The following CHD7 variants were observed in gnomAD, a reference collection of about 807,000 sequenced individuals.
CHD7 encodes ATP-dependent chromatin remodeler CHD7.
In CHD7, 24 loss-of-function variants were observed where a neutral mutation model predicts 307.3. The ratio of observed to expected loss-of-function variants is 0.08; its 90% CI spans 0.06 to 0.11. CHD7 has a LOEUF of 0.11. Among genes scored for constraint, CHD7 ranks in the 10% least tolerant of loss-of-function variants. The pLI is 1.00. For missense variants in CHD7, 3,106 were observed against 3,727.1 expected (o/e 0.83, Z 4.34); for synonymous variants, 1,363 against 1,349.9 (o/e 1.01, Z -0.21).
intron 6 of CHD7, among the ~76,000 whole-genome samples, chr8:60,806,747 A>G (rs1284841722): frequency 1.3e-5 from 2 of 152,180 alleles, no homozygotes; most frequent in Non-Finnish European, 2.9e-5. Flanking sequence ...TCATGCCTGT[A>G]ATCCCATCAC....
intron 5 of CHD7, 114 bp from the exon 6 acceptor site, chr8:60,801,414 T>C: frequency 1.4e-6 from 1 of 733,800 alleles, no homozygotes; most frequent in Non-Finnish European, 2.3e-6. Flanking sequence ...GATAACTTTG[T>C]ACCCAGTGAC....
At chr8:60,820,740 G>A (rs1406150558) in intron 9 of CHD7, among the ~76,000 whole-genome samples, 4 of 152,144 alleles carry the variant, frequency 2.6e-5, no homozygotes, top group African/African-American at 9.6e-5. Flanking sequence ...TACAGTGTTT[G>A]GATCTTGCTT....
At position 60,717,690 on chromosome 8, in the gene CHD7, A is replaced by C. The variant is rs146052209; in HGVS notation, c.-174-23569A>C. ...TGGTCAGCGATGGGCCACATATACA[A>C]CAGTGGTCTCATGAGATTATAATGG... On this transcript the variant is annotated intron_variant, in intron 1 of 37. Coordinates refer to ENST00000423902, the MANE Select transcript of CHD7 (RefSeq NM_017780.4). Among the ~76,000 whole-genome samples, 696 of 152,204 alleles carry C rather than the reference A, an allele frequency of 4.6e-3. 5 individuals are homozygous for C. Among genetic ancestry groups the C allele is most frequent in the African/African-American group, 0.016 (653 of 41,518 alleles).
At chr8:60,679,866 G>A (rs3735828) in intron 1 of CHD7, 77,694 of 151,112 alleles carry the variant, frequency 0.51, 24,157 homozygotes, top group East Asian at 0.75. Flanking sequence ...CGCGGGAGGC[G>A]TCCCGAGCTC....
intron 34 of CHD7, among the ~76,000 whole-genome samples, chr8:60,857,267 C>A (rs1280329881): frequency 6.6e-6 from 1 of 152,082 alleles, no homozygotes; most frequent in Non-Finnish European, 1.5e-5. Context: ...TCATTTTGGA[C>A]CTAAGATTTG....
At chr8:60,863,981 C>G (rs1278469784) in intron 37 of CHD7, 1 of 151,754 alleles carries the variant, frequency 6.6e-6, no homozygotes, top group Non-Finnish European at 1.5e-5. Context: ...ATCTGCCTGC[C>G]CTGACCTCCC....
At chr8:60,727,654 C>G (rs1356387592) in intron 1 of CHD7, among the ~76,000 whole-genome samples, 2 of 152,158 alleles carry the variant, frequency 1.3e-5, no homozygotes, top group Non-Finnish European at 2.9e-5. Context: ...TCTGTCCTTG[C>G]TCTTTTCTCT....
chr8:60,731,293 C>A (rs1230339186), intron 1 of CHD7, among the ~76,000 whole-genome samples: 6 of 152,174 alleles, frequency 3.9e-5, no homozygotes, highest in African/African-American at 1.2e-4. Context: ...AAGAATGAAT[C>A]TTCTATCAGT....
intron 2 of CHD7, among the ~76,000 whole-genome samples, chr8:60,776,513 T>TCC (rs895248420): frequency 4.5e-4 from 69 of 152,236 alleles, no homozygotes; most frequent in African/African-American, 1.6e-3. Flanking sequence ...TTCCTCTGCC[T>TCC]CCCCCTCTCT....
At chr8:60,848,448 CA>C in intron 23 of CHD7, 66 bp from the exon 24 acceptor site, 1 of 1,134,396 alleles carries the variant, frequency 8.8e-7, no homozygotes. Context: ...CAGCAGCTGC[CA>C]AAAGCCACTG....
chr8:60,782,863 ATAAG>A (rs770384272), intron 3 of CHD7, among the ~76,000 whole-genome samples: 5 of 152,270 alleles, frequency 3.3e-5, no homozygotes, highest in African/African-American at 9.6e-5. Context: ...AGTTTAAAAA[ATAAG>A]TAATTACCTA....
At chr8:60,721,016 C>T (rs1326169175) in intron 1 of CHD7, among the ~76,000 whole-genome samples, 1 of 152,178 alleles carries the variant, frequency 6.6e-6, no homozygotes, top group East Asian at 1.9e-4. Context: ...GGACACTTTT[C>T]TCTTTGTCAT....
At chr8:60,700,791 G>T (rs1198048327) in intron 1 of CHD7, among the ~76,000 whole-genome samples, 1 of 152,218 alleles carries the variant, frequency 6.6e-6, no homozygotes, top group African/African-American at 2.4e-5. Flanking sequence ...TTTTGGGAAA[G>T]CGACTTAAGT....
At chr8:60,776,349 A>G (rs1810951212) in intron 2 of CHD7, among the ~76,000 whole-genome samples, 1 of 152,196 alleles carries the variant, frequency 6.6e-6, no homozygotes, top group African/African-American at 2.4e-5. Flanking sequence ...TTTTATATCA[A>G]ATAATTAAAG....
chr8:60,680,508 G>A (rs1220214022), intron 1 of CHD7, among the ~76,000 whole-genome samples: 2 of 151,658 alleles, frequency 1.3e-5, no homozygotes, highest in Non-Finnish European at 1.5e-5. Flanking sequence ...CATCATTACC[G>A]AGCCGCCTTT....
chr8:60,858,263 TAAAG>T (rs1273926358), intron 34 of CHD7, among the ~76,000 whole-genome samples: 1 of 152,068 alleles, frequency 6.6e-6, no homozygotes, highest in Non-Finnish European at 1.5e-5. Flanking sequence ...CTCAAAAAAA[TAAAG>T]AAAATTTTTT....
chr8:60,753,215 T>C (rs1044818340), intron 2 of CHD7, among the ~76,000 whole-genome samples: 3 of 152,236 alleles, frequency 2.0e-5, no homozygotes, highest in Admixed American at 1.3e-4. Context: ...TGAATGTTTT[T>C]TTCTGTTCAC....
chr8:60,813,061 C>G lies in CHD7; in HGVS notation c.2499-3326C>G, dbSNP rs193175315. Among the ~76,000 whole-genome samples the G allele has an allele frequency of 6.4e-3, 970 of 152,158 alleles. 13 individuals carry two copies. Among genetic ancestry groups the G allele is most frequent in the South Asian group, 0.029 (139 of 4,830 alleles). ...GACAATGATGTCTTTTCAGTTGGTC[C>G]AGTTCTACTTTTGTGTCTTGTAAGA... On this transcript the variant is annotated intron_variant, in intron 7 of 37. Transcript: ENST00000423902.
chr8:60,853,161 C>G lies in CHD7; in HGVS notation c.6436C>G (p.Leu2146Val). The change falls in exon 31 of 38, where the codon CTG becomes GTG. Residue 2146 changes from leucine (L) to valine (V), a missense_variant. By Grantham distance (32) the Leu-to-Val change is conservative (BLOSUM62 1). Coordinates refer to ENST00000423902, the MANE Select transcript of CHD7 (RefSeq NM_017780.4). ...GAGNTSSLNP[L>V]AVGFVQTPPV... ...AGGTAATACATCTTCCTTGAACCCACTGGCAGTTGGATTTGTCCAGACTCC... is the reference window on the plus strand; with the variant it reads ...AGGTAATACATCTTCCTTGAACCCAGTGGCAGTTGGATTTGTCCAGACTCC... 1 of 1,613,888 alleles carries G rather than the reference C, an allele frequency of 6.2e-7. No individual in the cohort carries two copies. The highest frequency in any genetic ancestry group is 8.5e-7 in the Non-Finnish European group (1 of 1,179,860).
Sources: gnomAD v4.1 joint callset for allele counts (sites outside exome capture counted in the v4.1 genomes callset) on GRCh38, gnomAD v4.1.1 for gene constraint, MANE v1.5 for transcripts, NCBI Gene and HGNC (gene_info 2026-07-23, HGNC 2026-07-21) for gene names.